THADA: variants seen among roughly 807,000 people sequenced by gnomAD.
The protein encoded by THADA is THADA armadillo repeat containing.
A neutral mutation model predicts 219.8 loss-of-function variants in THADA; 213 were observed. That is an observed-to-expected ratio of 0.97 (90% CI 0.87 to 1.09). The LOEUF is 1.09. THADA is among the 50% of genes least tolerant of loss of function. THADA has a pLI of 0.00. For synonymous variants in THADA, 1,018 were observed against 828.9 expected, an observed-to-expected ratio of 1.23 and a Z score of -3.92; for missense variants, 2,956 against 2,311.3, an observed-to-expected ratio of 1.28 and a Z score of -5.72.
At chr2:43,506,550 T>C (rs1689690919) in intron 23 of THADA, among the ~76,000 whole-genome samples, 1 of 152,080 alleles carries the variant, frequency 6.6e-6, no homozygotes, top group Admixed American at 6.6e-5. Context: ...GAAGGTAGAT[T>C]AGTGATTGCC....
chr2:43,507,842 T>C (rs576156640), intron 23 of THADA, among the ~76,000 whole-genome samples: 56 of 152,328 alleles, frequency 3.7e-4, no homozygotes, highest in African/African-American at 1.3e-3. Flanking sequence ...ACAGTCTTAA[T>C]TTCTAAATAA....
rs1491182427 is a variant in THADA, at chr2:43,515,248, T to TAA, written c.3375-6469_3375-6468insTT. 2.7e-4 allele frequency among the ~76,000 whole-genome samples: 15 copies of TAA among 54,996 alleles called. 3 individuals carry two copies. The highest frequency in any genetic ancestry group is 4.4e-4 in the Non-Finnish European group (13 of 29,640). 36.1% of individuals were successfully genotyped at this position (54,996 alleles called of 152,430 possible). ...TATATAATATATAATATATAATATA[T>TAA]TATATATAATATATAATATATAATA... On this transcript the variant is annotated intron_variant, in intron 22 of 37. Coordinates refer to ENST00000405975, the MANE Select transcript of THADA (RefSeq NM_022065.5).
intron 36 of THADA, among the ~76,000 whole-genome samples, chr2:43,242,795 C>T (rs1365366971): frequency 2.6e-5 from 4 of 152,200 alleles, no homozygotes; most frequent in Non-Finnish European, 5.9e-5. Context: ...GGCCCAGCAC[C>T]TACATTCTTG....
intron 28 of THADA, among the ~76,000 whole-genome samples, chr2:43,403,285 C>T (rs112076669): frequency 1.2e-3 from 181 of 152,302 alleles, no homozygotes; most frequent in Middle Eastern, 0.01. Flanking sequence ...GAGGTATGAA[C>T]AACTTAGAGA....
At chr2:43,593,933 T>C (rs1701863552) in intron 1 of THADA, among the ~76,000 whole-genome samples, 1 of 152,160 alleles carries the variant, frequency 6.6e-6, no homozygotes, top group Non-Finnish European at 1.5e-5. Context: ...GCGCCCAGCC[T>C]TAGACTTCTT....
chr2:43,544,501 C>T (rs1695758002), intron 20 of THADA, among the ~76,000 whole-genome samples: 1 of 152,142 alleles, frequency 6.6e-6, no homozygotes, highest in Admixed American at 6.6e-5. Context: ...TTCTTCCTAC[C>T]CATGAGCATG....
At chr2:43,501,306 CCAAAAA>C (rs1688933022) in intron 24 of THADA, among the ~76,000 whole-genome samples, 2 of 12,278 alleles carry the variant, frequency 1.6e-4, no homozygotes, top group African/African-American at 2.7e-4. Flanking sequence ...AACTCCAACT[CCAAAAA>C]AAAAAAAAAA....
At chr2:43,405,323 C>CCA (rs953295503) in intron 28 of THADA, among the ~76,000 whole-genome samples, 5 of 152,034 alleles carry the variant, frequency 3.3e-5, no homozygotes, top group Non-Finnish European at 7.4e-5. Flanking sequence ...AAGAGAGAAA[C>CCA]CACACACACA....
At chr2:43,249,459 G>T (rs748666273) in intron 36 of THADA, among the ~76,000 whole-genome samples, 2 of 152,092 alleles carry the variant, frequency 1.3e-5, no homozygotes, top group African/African-American at 4.8e-5. Flanking sequence ...CCTTCCCTGT[G>T]GTCAGGGTGA....
chr2:43,379,688 G>C (rs1671776245), intron 29 of THADA, among the ~76,000 whole-genome samples: 1 of 152,112 alleles, frequency 6.6e-6, no homozygotes, highest in Non-Finnish European at 1.5e-5. Context: ...CAATCCGCTA[G>C]GTACTTACCC....
chr2:43,303,630 C>T (rs1386746384), intron 31 of THADA, among the ~76,000 whole-genome samples: 2 of 148,424 alleles, frequency 1.3e-5, no homozygotes, highest in Middle Eastern at 3.2e-3. Flanking sequence ...TTAACAAGGG[C>T]ATTCTGAAAA....
chr2:43,509,178 A>G (rs1281320937), intron 22 of THADA, among the ~76,000 whole-genome samples: 2 of 152,200 alleles, frequency 1.3e-5, no homozygotes, highest in African/African-American at 4.8e-5. Context: ...GATTACACAT[A>G]TTCAAAGAAA....
At chr2:43,547,165 A>G (rs1019956066) in intron 20 of THADA, among the ~76,000 whole-genome samples, 6 of 152,160 alleles carry the variant, frequency 3.9e-5, no homozygotes, top group Non-Finnish European at 7.4e-5. Context: ...TTCTGGGTTG[A>G]AAATTCTTTT....
chr2:43,480,726 G>C (rs1425146112), intron 26 of THADA, among the ~76,000 whole-genome samples: 1 of 151,728 alleles, frequency 6.6e-6, no homozygotes, highest in African/African-American at 2.4e-5. Flanking sequence ...GCTGAGGCAG[G>C]AGAATTGCGT....
intron 28 of THADA, among the ~76,000 whole-genome samples, chr2:43,398,815 T>C (rs1158618830): frequency 2.6e-5 from 4 of 152,192 alleles, no homozygotes; most frequent in African/African-American, 9.7e-5. Flanking sequence ...GGTCAGGCCA[T>C]ACTGGGGAGT....
intron 28 of THADA, among the ~76,000 whole-genome samples, chr2:43,403,833 C>T (rs766111012): frequency 6.6e-5 from 10 of 151,988 alleles, no homozygotes; most frequent in Non-Finnish European, 1.3e-4. Context: ...ACCCCCAACA[C>T]ACCCCCTAAA....
rs191569641 is a variant in THADA at position 43,378,462 on chromosome 2, A to G, written c.4227+19509T>C. ...TAGTTAATATAACTAATGATCACCT[A>G]GGAACATCATAATAAAACTGTAAGC... On this transcript the variant is annotated intron_variant, in intron 29 of 37. Coordinates refer to ENST00000405975, the MANE Select transcript of THADA (RefSeq NM_022065.5). 2.9e-3 allele frequency among the ~76,000 whole-genome samples: 441 copies of G among 152,374 alleles called. 2 individuals are homozygous for G. Among genetic ancestry groups the G allele is most frequent in the Non-Finnish European group, 4.4e-3 (299 of 68,036 alleles).
chr2:43,431,403 T>C (rs372868573), intron 26 of THADA, among the ~76,000 whole-genome samples: 2 of 152,322 alleles, frequency 1.3e-5, no homozygotes, highest in African/African-American at 4.8e-5. Flanking sequence ...TCTGATTTGA[T>C]TTCTATCATT....
At chr2:43,454,489 C>T (rs1053618918) in intron 26 of THADA, among the ~76,000 whole-genome samples, 4 of 151,980 alleles carry the variant, frequency 2.6e-5, no homozygotes, top group Non-Finnish European at 5.9e-5. Context: ...GTAGTCCCAG[C>T]TACTTGGATG....
Sources: allele counts gnomAD v4.1 joint callset (sites outside exome capture counted in the v4.1 genomes callset), GRCh38; gene constraint gnomAD v4.1.1; transcripts MANE v1.5; gene names NCBI Gene and HGNC (gene_info 2026-07-23, HGNC 2026-07-21).